HCRTR2: variants seen among roughly 807,000 people sequenced by gnomAD.
HCRTR2 encodes the protein hypocretin receptor 2.
In HCRTR2, 22 loss-of-function variants were observed where a neutral mutation model predicts 49.0. The observed-to-expected ratio is 0.45, with a 90% CI of 0.32 to 0.64. The LOEUF (loss-of-function observed/expected upper bound fraction) is 0.64, where lower values mean the gene tolerates loss of function less well. Among genes scored for constraint, HCRTR2 ranks in the 30% least tolerant of loss-of-function variants. The pLI, the probability that HCRTR2 is intolerant of heterozygous loss-of-function variation, is 0.04. For synonymous variants in HCRTR2, 236 were observed against 205.3 expected (o/e 1.15, Z -1.28); for missense variants, 491 against 559.4 (o/e 0.88, Z 1.23).
At position 55,165,744 on chromosome 6, in the gene HCRTR2, A is replaced by AATATAT. The variant is rs56655240; in HGVS notation, c.-377-8427_-377-8422dup. On this transcript the variant is annotated intron_variant, in intron 1 of 7. Coordinates refer to the HCRTR2 transcript ENST00000615358. ...TATTTGTTAAGGGATTAGTATACAG[A>AATATAT]ATATATATATATATATATATATATA... 4.4e-3 allele frequency among the ~76,000 whole-genome samples: 565 copies of AATATAT among 128,100 alleles called. 8 individuals carry two copies. Among genetic ancestry groups the AATATAT allele is most frequent in the African/African-American group, 0.013 (405 of 32,254 alleles). 84.0% of individuals were successfully genotyped at this position (128,100 alleles called of 152,430 possible).
chr6:55,239,852 A>C (rs1275652641), intron 1 of HCRTR2, among the ~76,000 whole-genome samples: 1 of 138,156 alleles, frequency 7.2e-6, no homozygotes, highest in East Asian at 2.1e-4. Context: ...ATCTCGGCTC[A>C]CTGCAACCCC....
intron 1 of HCRTR2, among the ~76,000 whole-genome samples, chr6:55,111,927 T>C (rs532218617): frequency 1.3e-5 from 2 of 151,832 alleles, no homozygotes; most frequent in Admixed American, 1.3e-4. Flanking sequence ...CAAAAGCATA[T>C]CAAAAAGATA....
chr6:55,186,413 T>C (rs1381672665), intron 1 of HCRTR2, among the ~76,000 whole-genome samples: 3 of 152,238 alleles, frequency 2.0e-5, no homozygotes, highest in African/African-American at 7.2e-5. Context: ...GTAGTTATTC[T>C]AGTAATGATT....
At position 55,216,339 on chromosome 6, in the gene HCRTR2, A is replaced by G. The variant is rs3134709; in HGVS notation, c.224-32300A>G. 1.6e-3 allele frequency among the ~76,000 whole-genome samples: 242 copies of G among 152,286 alleles called. 1 individual carries two copies. Among genetic ancestry groups the G allele is most frequent in the African/African-American group, 5.4e-3 (223 of 41,566 alleles). On this transcript the variant is annotated intron_variant, in intron 1 of 6. Transcript: ENST00000370862. ...ACCTTCATTCCATTCCCGTAGCCCC[A>G]AAGTCTTAACCTGTTCTAGCACCAA...
At chr6:55,128,462 G>A (rs1184479088) in intron 1 of HCRTR2, among the ~76,000 whole-genome samples, 1 of 152,166 alleles carries the variant, frequency 6.6e-6, no homozygotes, top group Non-Finnish European at 1.5e-5. Context: ...TGAGAAGAAT[G>A]TCATTGATAG....
chr6:55,216,912 C>T (rs544782946), intron 1 of HCRTR2, among the ~76,000 whole-genome samples: 8 of 152,310 alleles, frequency 5.3e-5, no homozygotes, highest in Admixed American at 3.3e-4. Flanking sequence ...TAGATACATC[C>T]TCTGAAGTCT....
At chr6:55,257,982 T>A (rs1766684881) in intron 3 of HCRTR2, among the ~76,000 whole-genome samples, 1 of 152,076 alleles carries the variant, frequency 6.6e-6, no homozygotes, top group African/African-American at 2.4e-5. Context: ...TTTATCTTTC[T>A]TATTAGATAT....
chr6:55,176,439 T>C (rs1471139268), intron 1 of HCRTR2, among the ~76,000 whole-genome samples: 1 of 152,164 alleles, frequency 6.6e-6, no homozygotes, highest in Non-Finnish European at 1.5e-5. Flanking sequence ...TTGTTACCCA[T>C]CCTTAGGATT....
At chr6:55,195,129 G>C (rs902358674) in intron 1 of HCRTR2, among the ~76,000 whole-genome samples, 2 of 151,694 alleles carry the variant, frequency 1.3e-5, no homozygotes, top group African/African-American at 4.8e-5. Context: ...GAATGAAGAG[G>C]AAACACAGTA....
chr6:55,253,458 G>A (rs142185829), intron 2 of HCRTR2, among the ~76,000 whole-genome samples: 5 of 152,182 alleles, frequency 3.3e-5, no homozygotes, highest in African/African-American at 1.2e-4. Flanking sequence ...CATATTATGA[G>A]ATCAATATAA....
intron 1 of HCRTR2, among the ~76,000 whole-genome samples, chr6:55,160,595 A>G (rs1057299639): frequency 1.3e-5 from 2 of 152,156 alleles, no homozygotes; most frequent in African/African-American, 4.8e-5. Flanking sequence ...AGTCCAATTC[A>G]TGTGCAAAGA....
intron 4 of HCRTR2, among the ~76,000 whole-genome samples, chr6:55,271,636 G>A (rs1465258649): frequency 6.6e-6 from 1 of 152,022 alleles, no homozygotes; most frequent in African/African-American, 2.4e-5. Context: ...TCATATATGT[G>A]TTAAGGAATT....
intron 1 of HCRTR2, among the ~76,000 whole-genome samples, chr6:55,244,549 A>C (rs1012008178): frequency 2.6e-5 from 4 of 152,078 alleles, no homozygotes; most frequent in African/African-American, 9.7e-5. Flanking sequence ...GGAAGCTTAT[A>C]CTTCAGAGAA....
intron 1 of HCRTR2, among the ~76,000 whole-genome samples, chr6:55,155,213 T>A (rs1374620871): frequency 1.3e-5 from 2 of 151,736 alleles, no homozygotes; most frequent in Non-Finnish European, 3.0e-5. Context: ...TTTACAGAAA[T>A]GAAAACACAA....
intron 1 of HCRTR2, among the ~76,000 whole-genome samples, chr6:55,109,040 G>A (rs1447205880): frequency 2.6e-5 from 4 of 152,054 alleles, no homozygotes; most frequent in South Asian, 2.1e-4. Flanking sequence ...TGGTATCCAC[G>A]GCTGAGGGAC....
intron 1 of HCRTR2, among the ~76,000 whole-genome samples, chr6:55,165,344 T>A: frequency 6.6e-6 from 1 of 151,978 alleles, no homozygotes; most frequent in South Asian, 2.1e-4. Flanking sequence ...GAAGACTACC[T>A]CAAGACATTT....
At chr6:55,276,924 T>C (rs1581873671) in intron 4 of HCRTR2, among the ~76,000 whole-genome samples, 2 of 152,198 alleles carry the variant, frequency 1.3e-5, no homozygotes, top group African/African-American at 2.4e-5. Context: ...AGTTAAGTTC[T>C]ATCTCTCTGG....
At chr6:55,204,509 G>A (rs1765566686) in intron 1 of HCRTR2, among the ~76,000 whole-genome samples, 1 of 152,116 alleles carries the variant, frequency 6.6e-6, no homozygotes. Flanking sequence ...TGGAAGCAGG[G>A]AAATATTTTG....
chr6:55,218,220 T>A (rs931510951), intron 1 of HCRTR2, among the ~76,000 whole-genome samples: 3 of 152,176 alleles, frequency 2.0e-5, no homozygotes, highest in Non-Finnish European at 4.4e-5. Flanking sequence ...AAGGCCCCAC[T>A]TCTTAATACT....
Sources: gnomAD v4.1 joint callset for allele counts (sites outside exome capture counted in the v4.1 genomes callset) on GRCh38, gnomAD v4.1.1 for gene constraint, MANE v1.5 for transcripts, NCBI Gene and HGNC (gene_info 2026-07-23, HGNC 2026-07-21) for gene names.